ADAM12: variants seen among roughly 807,000 people sequenced by gnomAD.
ADAM12 encodes the protein disintegrin and metalloproteinase domain-containing protein 12.
ADAM12 carries 70 observed loss-of-function variants against 106.4 expected under a neutral mutation model. That is an observed-to-expected ratio of 0.66 (90% CI 0.54 to 0.80). The LOEUF is 0.80. Among genes scored for constraint, ADAM12 ranks in the 30% least tolerant of loss-of-function variants. The pLI is 0.00. For synonymous variants in ADAM12, 420 were observed against 433.5 expected (o/e 0.97, Z 0.39); for missense variants, 1,010 against 1,171.9 (o/e 0.86, Z 2.02).
chr10:126,025,028 A>T (rs1953842919), intron 21 of ADAM12, among the ~76,000 whole-genome samples: 1 of 151,988 alleles, frequency 6.6e-6, no homozygotes, highest in South Asian at 2.1e-4. Flanking sequence ...GAAAACAACA[A>T]TAACCCCATC....
chr10:126,251,454 ATGGATGGAT>A (rs1383487569), intron 3 of ADAM12, among the ~76,000 whole-genome samples: 11 of 141,892 alleles, frequency 7.8e-5, no homozygotes, highest in Non-Finnish European at 1.6e-4. Context: ...GGATAGATGG[ATGGATGGAT>A]GGGATGGATG....
At chr10:126,305,088 C>T (rs541974928) in intron 2 of ADAM12, among the ~76,000 whole-genome samples, 12 of 152,034 alleles carry the variant, frequency 7.9e-5, no homozygotes, top group African/African-American at 2.9e-4. Flanking sequence ...AAGCTAAACA[C>T]TTGAAACAGG....
At chr10:126,157,577 C>A (rs1278442739) in intron 3 of ADAM12, among the ~76,000 whole-genome samples, 1 of 152,248 alleles carries the variant, frequency 6.6e-6, no homozygotes, top group Non-Finnish European at 1.5e-5. Flanking sequence ...GTCTCCGCTG[C>A]AGTCTACTTA....
Position 126,274,192 on chromosome 10 carries a change from G to A in ADAM12, c.260+4723C>T, listed in dbSNP as rs115572429. On this transcript the variant is annotated intron_variant, in intron 3 of 22. Transcript: ENST00000448723. ...TGACCGTAAGGATGTCATGGTTGGCGGAAGAGGAAAGGAAAGAAGCATCCA... is the reference window on the plus strand; with the variant it reads ...TGACCGTAAGGATGTCATGGTTGGCAGAAGAGGAAAGGAAAGAAGCATCCA... Among the ~76,000 whole-genome samples the A allele has an allele frequency of 6.1e-3, 931 of 152,268 alleles. 14 individuals carry two copies. The highest frequency in any genetic ancestry group is 0.021 in the African/African-American group (888 of 41,538).
At position 126,042,575 on chromosome 10, in the gene ADAM12, C is replaced by T. The variant is rs1433655784; in HGVS notation, c.2104+465G>A. ...CACACAGCACCTGCACACATCATTC[C>T]ATATGCAAAAGCTGTTGCAATGACT... On this transcript the variant is annotated intron_variant, in intron 18 of 22. Transcript: ENST00000448723. Among the ~76,000 whole-genome samples the T allele has an allele frequency of 2.6e-5, 4 of 152,216 alleles. No homozygotes were observed. The East Asian group carries it at 7.7e-4, about 29-fold the overall frequency.
intron 2 of ADAM12, among the ~76,000 whole-genome samples, chr10:126,299,968 T>A (rs1455109440): frequency 6.6e-6 from 1 of 152,216 alleles, no homozygotes; most frequent in Non-Finnish European, 1.5e-5. Flanking sequence ...TTCTCTGACA[T>A]CCTCATATCA....
chr10:126,038,878 A>T (rs776905043), intron 19 of ADAM12, among the ~76,000 whole-genome samples: 33 of 151,436 alleles, frequency 2.2e-4, no homozygotes, highest in Non-Finnish European at 4.3e-4. Context: ...CAGGTTTATG[A>T]TCCAGAAAAT....
intron 2 of ADAM12, among the ~76,000 whole-genome samples, chr10:126,300,878 C>A (rs1008759681): frequency 1.3e-5 from 2 of 152,154 alleles, no homozygotes; most frequent in East Asian, 1.9e-4. Flanking sequence ...TGAGAAAGAC[C>A]AACTTCTAAG....
At chr10:126,241,748 T>A (rs957355134) in intron 3 of ADAM12, among the ~76,000 whole-genome samples, 1 of 152,188 alleles carries the variant, frequency 6.6e-6, no homozygotes, top group Non-Finnish European at 1.5e-5. Flanking sequence ...TGCAAGGACA[T>A]CACTGTAAGT....
chr10:126,020,970 G>C lies in ADAM12; in HGVS notation c.2530-1145C>G, dbSNP rs1205581580. Among the ~76,000 whole-genome samples, 3 of 133,920 alleles carry C rather than the reference G, an allele frequency of 2.2e-5. No homozygotes were observed. In the East Asian group the frequency reaches 6.9e-4, roughly 31 times the overall value. 87.9% of individuals were successfully genotyped at this position (133,920 alleles called of 152,430 possible). Reference sequence around the variant, plus strand: ...ATCGTGCCACTGCACTCCAGCCTAGGTGACAGAGTGAGACTCTGTCTCAAA... The same window carrying C: ...ATCGTGCCACTGCACTCCAGCCTAGCTGACAGAGTGAGACTCTGTCTCAAA... On this transcript the variant is annotated intron_variant, in intron 21 of 22. Transcript: ENST00000448723.
intron 11 of ADAM12, among the ~76,000 whole-genome samples, chr10:126,071,978 T>C (rs1230616694): frequency 6.6e-6 from 1 of 152,138 alleles, no homozygotes. Flanking sequence ...CTGGGTGAAA[T>C]GATGCTACGA....
intron 1 of ADAM12, among the ~76,000 whole-genome samples, chr10:126,372,321 A>G (rs1211930539): frequency 1.3e-5 from 2 of 152,226 alleles, no homozygotes; most frequent in Admixed American, 6.5e-5. Flanking sequence ...AAGACCTTAA[A>G]TTACAAAACA....
In ADAM12 at chr10:126,046,089, A is replaced by G; in HGVS notation, c.1961T>C (p.Val654Ala). ...GTGGCACTGCATTGCACACTCGTGA[A>G]CCCCAAAGACACTAATATTTTGACA... is the stretch of plus-strand genomic sequence containing the variant. ...RQCQNISVFG[V>A]HECAMQCHGR... is the part of the protein sequence containing the mutation. The change falls in exon 17 of 23, where the codon GTT (valine) becomes GCT (alanine). Residue 654 changes from valine (V) to alanine (A), a missense_variant. Physicochemically the swap from Val to Ala is moderately conservative, Grantham distance 64. Transcript: ENST00000448723. 1 of 1,614,226 alleles carries G rather than the reference A, an allele frequency of 6.2e-7. No individual in the cohort carries two copies. Among genetic ancestry groups the G allele is most frequent in the East Asian group, 2.2e-5 (1 of 44,892 alleles).
chr10:126,121,723 T>C (rs1417782766), intron 5 of ADAM12, among the ~76,000 whole-genome samples: 1 of 151,910 alleles, frequency 6.6e-6, no homozygotes. Flanking sequence ...TCATTACTGC[T>C]TACATATTTG....
chr10:126,113,348 G>T (rs1415590095), intron 6 of ADAM12, among the ~76,000 whole-genome samples: 1 of 151,976 alleles, frequency 6.6e-6, no homozygotes, highest in African/African-American at 2.4e-5. Flanking sequence ...GAGCATGGGG[G>T]CCTTGAATGT....
intron 3 of ADAM12, among the ~76,000 whole-genome samples, chr10:126,221,936 C>T (rs564273235): frequency 5.9e-5 from 9 of 152,220 alleles, no homozygotes; most frequent in Non-Finnish European, 1.3e-4. Context: ...CATAGACCCT[C>T]AGAACCAGAG....
At chr10:126,214,399 C>G (rs1249494431) in intron 3 of ADAM12, among the ~76,000 whole-genome samples, 1 of 152,184 alleles carries the variant, frequency 6.6e-6, no homozygotes, top group Non-Finnish European at 1.5e-5. Flanking sequence ...ATTTATAAAG[C>G]ACTTAGAATG....
intron 5 of ADAM12, among the ~76,000 whole-genome samples, chr10:126,121,217 T>C (rs1406789385): frequency 9.7e-6 from 1 of 103,552 alleles, no homozygotes; most frequent in Non-Finnish European, 1.7e-5. Context: ...ACTATATATA[T>C]TATATACTAT....
intron 1 of ADAM12, among the ~76,000 whole-genome samples, chr10:126,342,862 G>A (rs1854981618): frequency 6.6e-6 from 1 of 151,662 alleles, no homozygotes; most frequent in Admixed American, 6.6e-5. Flanking sequence ...TGATCACACA[G>A]TGTAGCACCA....
Sources: gnomAD v4.1 joint callset for allele counts (sites outside exome capture counted in the v4.1 genomes callset) on GRCh38, gnomAD v4.1.1 for gene constraint, MANE v1.5 for transcripts, NCBI Gene and HGNC (gene_info 2026-07-23, HGNC 2026-07-21) for gene names.